Variants in CDC14B observed in about 807,000 individuals in gnomAD.
CDC14B encodes cell division cycle 14B.
CDC14B carries 22 observed loss-of-function variants against 64.2 expected under a neutral mutation model. The ratio of observed to expected loss-of-function variants is 0.34; its 90% CI spans 0.24 to 0.49. CDC14B has a LOEUF of 0.49. Among genes scored for constraint, CDC14B ranks in the 20% least tolerant of loss-of-function variants. CDC14B has a pLI of 0.99. For missense variants in CDC14B, 498 were observed against 629.9 expected (o/e 0.79, Z 2.24); for synonymous variants, 191 against 215.8 (o/e 0.89, Z 1.01).
intron 1 of CDC14B, among the ~76,000 whole-genome samples, chr9:96,587,877 C>T (rs1451461782): frequency 1.3e-5 from 2 of 152,090 alleles, no homozygotes; most frequent in Non-Finnish European, 2.9e-5. Context: ...CTCCCCGCCC[C>T]GCCCCCACAA....
At chr9:96,618,696 G>A (rs1285101151) in intron 1 of CDC14B, 3 of 444,696 alleles carry the variant, frequency 6.7e-6, no homozygotes, top group Admixed American at 2.6e-5. Flanking sequence ...CGCGCCGGAC[G>A]GGCAACGCGG....
chr9:96,569,074 C>T (rs941801365), intron 1 of CDC14B, among the ~76,000 whole-genome samples: 1 of 152,156 alleles, frequency 6.6e-6, no homozygotes, highest in Admixed American at 6.5e-5. Flanking sequence ...CCACAAGAAA[C>T]GTATCAATGC....
intron 4 of CDC14B, 94 bp from the exon 5 acceptor site, chr9:96,551,966 C>T (rs1841901492): frequency 6.8e-7 from 1 of 1,470,122 alleles, no homozygotes; most frequent in South Asian, 1.3e-5. Context: ...TTCCAACCAA[C>T]TGAGCAGGGT....
At chr9:96,514,005 G>A (rs1835266682) in intron 12 of CDC14B, among the ~76,000 whole-genome samples, 1 of 152,142 alleles carries the variant, frequency 6.6e-6, no homozygotes, top group Admixed American at 6.6e-5. Flanking sequence ...AAGACATGGG[G>A]GTGCTACAAA....
At chr9:96,517,273 C>A (rs140589311) in intron 12 of CDC14B, among the ~76,000 whole-genome samples, 1 of 150,738 alleles carries the variant, frequency 6.6e-6, no homozygotes, top group South Asian at 2.1e-4. Context: ...GCTCGGGAGG[C>A]GGAGGTTGCA....
chr9:96,517,041 T>G (rs1835780943), intron 12 of CDC14B, among the ~76,000 whole-genome samples: 1 of 151,764 alleles, frequency 6.6e-6, no homozygotes. Flanking sequence ...CTTTTTTATT[T>G]TTAAGAAACA....
chr9:96,513,259 A>G (rs751327216), intron 12 of CDC14B, among the ~76,000 whole-genome samples: 3 of 152,218 alleles, frequency 2.0e-5, no homozygotes, highest in African/African-American at 7.2e-5. Context: ...TTGCACTGAC[A>G]ACACGGTATT....
intron 5 of CDC14B, among the ~76,000 whole-genome samples, chr9:96,550,148 T>C (rs1028602469): frequency 3.9e-5 from 6 of 152,190 alleles, no homozygotes; most frequent in African/African-American, 1.4e-4. Flanking sequence ...AAGAATGTGG[T>C]TGCTATTATG....
At chr9:96,585,031 C>T (rs185605432) in intron 1 of CDC14B, among the ~76,000 whole-genome samples, 2 of 152,260 alleles carry the variant, frequency 1.3e-5, no homozygotes, top group Admixed American at 6.5e-5. Context: ...ATTTTATCTC[C>T]AATGATATTT....
intron 4 of CDC14B, among the ~76,000 whole-genome samples, chr9:96,560,454 T>C (rs950821090): frequency 6.6e-6 from 1 of 152,186 alleles, no homozygotes; most frequent in Non-Finnish European, 1.5e-5. Flanking sequence ...GTTGTCATGA[T>C]TTATGTTAAT....
At chr9:96,617,205 ATAGCAT>A (rs1238661493) in intron 1 of CDC14B, among the ~76,000 whole-genome samples, 1 of 149,372 alleles carries the variant, frequency 6.7e-6, no homozygotes, top group African/African-American at 2.6e-5. Context: ...TTGCCCTCTG[ATAGCAT>A]TTTTATTTCC....
At chr9:96,578,022 T>C (rs1441775445) in intron 1 of CDC14B, among the ~76,000 whole-genome samples, 2 of 152,204 alleles carry the variant, frequency 1.3e-5, no homozygotes, top group Non-Finnish European at 1.5e-5. Flanking sequence ...CATGATTCCA[T>C]TTATGTAGAT....
At position 96,564,771 on chromosome 9, in the gene CDC14B, C is replaced by T. The variant is rs189542032; in HGVS notation, c.327+6G>A. 2.5e-4 allele frequency: 392 copies of T among 1,561,528 alleles called. 2 individuals carry two copies. In the African/African-American group the frequency reaches 4.9e-3, roughly 20 times the overall value. On this transcript the variant is annotated splice_donor_region_variant and intron_variant, in intron 3 of 13. Transcript: ENST00000375241. ...GATTACTTAAGTCAAATCTTAAAGA[C>T]TTTACCTTTAATTTCTTATTGATCT...
At chr9:96,554,096 G>A (rs1480435555) in intron 4 of CDC14B, among the ~76,000 whole-genome samples, 16 of 152,050 alleles carry the variant, frequency 1.1e-4, no homozygotes, top group African/African-American at 2.9e-4. Flanking sequence ...CCCAGGAGGC[G>A]GAGGTTGCAG....
At chr9:96,617,139 T>C (rs1282965632) in intron 1 of CDC14B, among the ~76,000 whole-genome samples, 3 of 151,680 alleles carry the variant, frequency 2.0e-5, no homozygotes, top group Non-Finnish European at 4.4e-5. Flanking sequence ...CAGCAAGATT[T>C]ATTGTGAAGA....
intron 1 of CDC14B, among the ~76,000 whole-genome samples, chr9:96,604,392 T>TATC: frequency 7.3e-6 from 1 of 136,444 alleles, no homozygotes; most frequent in Middle Eastern, 3.9e-3. Flanking sequence ...TTATTATTAT[T>TATC]ATTTTGAGAC....
At chr9:96,507,565 G>A (rs1011128571) in intron 13 of CDC14B, among the ~76,000 whole-genome samples, 28 of 151,818 alleles carry the variant, frequency 1.8e-4, no homozygotes, top group Admixed American at 7.9e-4. Flanking sequence ...ACAGGCACCC[G>A]CCACTGCACC....
At chr9:96,577,353 G>A (rs1000010586) in intron 1 of CDC14B, among the ~76,000 whole-genome samples, 4 of 151,570 alleles carry the variant, frequency 2.6e-5, no homozygotes, top group African/African-American at 7.3e-5. Flanking sequence ...TGCAATAATG[G>A]GACATTAAAA....
rs375921323 is a variant in CDC14B, at chr9:96,574,310, A to T, written c.161-8827T>A. Among the ~76,000 whole-genome samples the T allele has an allele frequency of 2.5e-4, 38 of 152,320 alleles. 1 individual carries two copies. The South Asian group carries it at 7.9e-3, about 32-fold the overall frequency. Reference sequence around the variant, plus strand: ...TCTCATATGACATTAGGGACATTACAAATCAATGGGAGAAGAATATTCAAT... The same window carrying T: ...TCTCATATGACATTAGGGACATTACTAATCAATGGGAGAAGAATATTCAAT... On this transcript the variant is annotated intron_variant, in intron 1 of 13. Transcript: ENST00000375241.
Sources: allele counts gnomAD v4.1 joint callset (sites outside exome capture counted in the v4.1 genomes callset), GRCh38; gene constraint gnomAD v4.1.1; transcripts MANE v1.5; gene names NCBI Gene and HGNC (gene_info 2026-07-23, HGNC 2026-07-21).